Variants in SRBD1 observed in about 807,000 individuals in gnomAD.
SRBD1 encodes S1 RNA-binding domain-containing protein 1.
Under a neutral mutation model 115.3 loss-of-function variants are expected in SRBD1, and 88 were observed. The observed-to-expected ratio is 0.76, with a 90% confidence interval of 0.64 to 0.91. SRBD1 has a LOEUF of 0.91. SRBD1 is among the 40% of genes least tolerant of loss of function. The pLI, the probability that SRBD1 is intolerant of heterozygous loss-of-function variation, is 0.00. For missense variants in SRBD1, 1,385 were observed against 1,177.4 expected, an observed-to-expected ratio of 1.18 and a Z score of -2.58; for synonymous variants, 509 against 407.7, an observed-to-expected ratio of 1.25 and a Z score of -2.99.
chr2:45,505,357 C>A (rs1670766189), intron 14 of SRBD1, among the ~76,000 whole-genome samples: 1 of 152,124 alleles, frequency 6.6e-6, no homozygotes, highest in South Asian at 2.1e-4. Flanking sequence ...CTGAAAAGAG[C>A]AAACCTCAGG....
intron 5 of SRBD1, among the ~76,000 whole-genome samples, chr2:45,584,030 G>C (rs572533837): frequency 8.7e-4 from 133 of 152,226 alleles, no homozygotes; most frequent in Non-Finnish European, 1.4e-3. Context: ...TTGCTTGTGA[G>C]GCTTTCTCCA....
intron 19 of SRBD1, among the ~76,000 whole-genome samples, chr2:45,393,352 T>A (rs1193180549): frequency 6.6e-6 from 1 of 152,182 alleles, no homozygotes; most frequent in Non-Finnish European, 1.5e-5. Flanking sequence ...ATTTATCAAA[T>A]GAAGCACCTG....
intron 19 of SRBD1, among the ~76,000 whole-genome samples, chr2:45,404,055 T>A (rs528692803): frequency 6.6e-6 from 1 of 152,178 alleles, no homozygotes; most frequent in Non-Finnish European, 1.5e-5. Context: ...ACAGATACCA[T>A]AACAGAGGTA....
intron 16 of SRBD1, among the ~76,000 whole-genome samples, chr2:45,439,155 A>G (rs1489102654): frequency 1.3e-5 from 2 of 152,068 alleles, no homozygotes; most frequent in Non-Finnish European, 2.9e-5. Flanking sequence ...TTTAAAGATA[A>G]CGGAAAAGGG....
intron 16 of SRBD1, among the ~76,000 whole-genome samples, chr2:45,430,438 A>C (rs966244367): frequency 5.3e-5 from 8 of 152,214 alleles, no homozygotes; most frequent in African/African-American, 1.9e-4. Context: ...ACTGGTACCA[A>C]AACAAATATA....
chr2:45,437,109 C>G (rs761074643), intron 16 of SRBD1, among the ~76,000 whole-genome samples: 3 of 151,796 alleles, frequency 2.0e-5, no homozygotes, highest in Non-Finnish European at 4.4e-5. Flanking sequence ...TGATAGAAAT[C>G]AAAGAACTAA....
chr2:45,466,976 A>T (rs775800830), intron 16 of SRBD1, among the ~76,000 whole-genome samples: 9 of 152,196 alleles, frequency 5.9e-5, no homozygotes, highest in Non-Finnish European at 1.2e-4. Context: ...ACTGAATCAG[A>T]GTTTGCATCT....
At chr2:45,393,641 A>C (rs994921464) in intron 19 of SRBD1, among the ~76,000 whole-genome samples, 1 of 152,164 alleles carries the variant, frequency 6.6e-6, no homozygotes, top group Admixed American at 6.5e-5. Context: ...TGGCCTCCCA[A>C]AGTGCTGGGA....
chr2:45,604,614 G>C (rs982607364), intron 2 of SRBD1, among the ~76,000 whole-genome samples: 2 of 152,114 alleles, frequency 1.3e-5, no homozygotes, highest in South Asian at 4.1e-4. Context: ...CCTGCCTCAG[G>C]GTCTTTGCAC....
intron 14 of SRBD1, among the ~76,000 whole-genome samples, chr2:45,533,663 G>C (rs1461564511): frequency 6.6e-6 from 1 of 151,966 alleles, no homozygotes; most frequent in Non-Finnish European, 1.5e-5. Flanking sequence ...TACGCAAACA[G>C]ATTAGACAGA....
chr2:45,552,069 C>T (rs1258360729), intron 11 of SRBD1, among the ~76,000 whole-genome samples: 1 of 152,048 alleles, frequency 6.6e-6, no homozygotes, highest in African/African-American at 2.4e-5. Context: ...TTGTAACTGA[C>T]AATGTAGAAC....
At chr2:45,436,013 G>C (rs1303773359) in intron 16 of SRBD1, among the ~76,000 whole-genome samples, 1 of 151,858 alleles carries the variant, frequency 6.6e-6, no homozygotes, top group Admixed American at 6.6e-5. Flanking sequence ...TCTCAAAAAA[G>C]CTAGGAAATC....
intron 15 of SRBD1, among the ~76,000 whole-genome samples, chr2:45,485,093 T>G (rs530306407): frequency 6.6e-6 from 1 of 152,216 alleles, no homozygotes; most frequent in Non-Finnish European, 1.5e-5. Context: ...TCTGGAGACA[T>G]GCCTAGGAGT....
chr2:45,503,815 G>C (rs1283349695), intron 14 of SRBD1, among the ~76,000 whole-genome samples: 1 of 152,042 alleles, frequency 6.6e-6, no homozygotes, highest in African/African-American at 2.4e-5. Flanking sequence ...CTTCCAAAAA[G>C]CAAATCCAAA....
chr2:45,536,079 A>C (rs1671754802), intron 14 of SRBD1, among the ~76,000 whole-genome samples: 1 of 151,986 alleles, frequency 6.6e-6, no homozygotes, highest in African/African-American at 2.4e-5. Flanking sequence ...TTTAGTTCCT[A>C]ATCTTTTTCT....
At chr2:45,443,300 G>A (rs2103716048) in intron 16 of SRBD1, among the ~76,000 whole-genome samples, 1 of 152,288 alleles carries the variant, frequency 6.6e-6, no homozygotes, top group East Asian at 1.9e-4. Context: ...GTTAATAGTA[G>A]AGAATGATGA....
At chr2:45,597,473 C>T (rs73927576) in intron 4 of SRBD1, among the ~76,000 whole-genome samples, 11,430 of 151,522 alleles carry the variant, frequency 0.075, 752 homozygotes, top group African/African-American at 0.18. Context: ...GGTTAGTCTA[C>T]GTAACTAATA....
chr2:45,532,961 C>T (rs931705026), intron 14 of SRBD1, among the ~76,000 whole-genome samples: 3 of 152,052 alleles, frequency 2.0e-5, no homozygotes, highest in Admixed American at 6.6e-5. Flanking sequence ...TCAACTAATG[C>T]AACTAAAATC....
At position 45,494,378 on chromosome 2, in the gene SRBD1, C is replaced by CT. The variant is rs945703350; in HGVS notation, c.1875-6048dup. 1.8e-3 allele frequency among the ~76,000 whole-genome samples: 268 copies of CT among 146,678 alleles called. 1 individual carries two copies. Among genetic ancestry groups the CT allele is most frequent in the African/African-American group, 5.7e-3 (231 of 40,284 alleles). Reference sequence around the variant, plus strand: ...GGGAATCATATCAGATAATGGCCAACTTTTTTTTTTTAATTTACCAAGCTT... The same window carrying CT: ...GGGAATCATATCAGATAATGGCCAACTTTTTTTTTTTTAATTTACCAAGCTT... On this transcript the variant is annotated intron_variant, in intron 14 of 20. Coordinates refer to ENST00000263736, the MANE Select transcript of SRBD1 (RefSeq NM_018079.5).
Sources: gnomAD v4.1 joint callset for allele counts (sites outside exome capture counted in the v4.1 genomes callset) on GRCh38, gnomAD v4.1.1 for gene constraint, MANE v1.5 for transcripts, NCBI Gene and HGNC (gene_info 2026-07-23, HGNC 2026-07-21) for gene names.